IKZF1: variants seen among roughly 807,000 people sequenced by gnomAD.
The protein encoded by IKZF1 is IKAROS family zinc finger 1.
IKZF1 carries 10 observed loss-of-function variants against 51.7 expected under a neutral mutation model. The observed-to-expected ratio is 0.19, with a 90% confidence interval of 0.12 to 0.33. The LOEUF (loss-of-function observed/expected upper bound fraction) is 0.33, where lower values mean the gene tolerates loss of function less well. Ranked by LOEUF, IKZF1 falls within the 10% of genes least tolerant of loss-of-function variation. The probability of loss-of-function intolerance (pLI) is 1.00; values close to 1 mark genes in which losing one functional copy is unlikely to be tolerated. For missense variants in IKZF1, 484 were observed against 707.5 expected, an observed-to-expected ratio of 0.68 and a Z score of 3.58; for synonymous variants, 280 against 282.3, an observed-to-expected ratio of 0.99 and a Z score of 0.08.
intron 3 of IKZF1, chr7:50,329,083 A>G (rs930228928): frequency 6.6e-6 from 1 of 151,846 alleles, no homozygotes; most frequent in South Asian, 2.1e-4. Context: ...AAAAAAAAAA[A>G]AAAAAAAGAA....
In IKZF1 at chr7:50,400,674, G is replaced by A. The variant is rs940911904; in HGVS notation, c.*47G>A. On this transcript the variant is annotated 3_prime_UTR_variant, in exon 8 of 8. Transcript: ENST00000331340. This position sits in a 1 kb window ranked among gnomAD's most constrained non-coding sequence, Gnocchi z 5.4. ...CAGACCCCGAGCCACCCCAGGAAAA[G>A]CACAAGGACTGCCGCCTTCTCGCTC... 9 of 1,556,674 alleles carry A rather than the reference G, an allele frequency of 5.8e-6. No individual in the cohort carries two copies. The highest frequency in any genetic ancestry group is 7.8e-6 in the Non-Finnish European group (9 of 1,156,302).
At chr7:50,366,723 T>C (rs1807072372) in intron 3 of IKZF1, among the ~76,000 whole-genome samples, 1 of 152,224 alleles carries the variant, frequency 6.6e-6, no homozygotes, top group African/African-American at 2.4e-5. Flanking sequence ...CTTTAAAACA[T>C]CTTTGCTTTT....
At position 50,391,767 on chromosome 7, in the gene IKZF1, G is replaced by A. The variant is rs762538092; in HGVS notation, c.754G>A (p.Asp252Asn). ...AACTAATCACAGTGAAATGGCAGAA[G>A]ACCTGTGCAAGATAGGATCAGAGAG... Reference protein sequence around the residue: ...EETNHSEMAEDLCKIGSERSL... With the variant: ...EETNHSEMAENLCKIGSERSL... The change falls in exon 7 of 8, where the codon GAC becomes AAC. Residue 252 changes from aspartate (D) to asparagine (N), a missense_variant. By Grantham distance (23) the Asp-to-Asn change is conservative. This residue lies in a region of IKZF1 where 172 missense variants were observed against 192.7 expected (regional missense o/e 0.89). Transcript: ENST00000331340. The A allele has an allele frequency of 3.3e-5, 53 of 1,613,904 alleles. No homozygotes were observed. The Admixed American group carries it at 8.8e-4, about 27-fold the overall frequency.
At chr7:50,389,509 C>T (rs757252261) in intron 6 of IKZF1, among the ~76,000 whole-genome samples, 2 of 152,112 alleles carry the variant, frequency 1.3e-5, no homozygotes, top group African/African-American at 2.4e-5. Context: ...GGTATGAAAG[C>T]GTCTCTAGGA....
chr7:50,311,660 G>A (rs1790209014), intron 1 of IKZF1, among the ~76,000 whole-genome samples: 1 of 152,130 alleles, frequency 6.6e-6, no homozygotes, highest in African/African-American at 2.4e-5. Context: ...AGTTTTACAG[G>A]TGCATTGTTT....
chr7:50,379,295 G>A (rs1811175428), intron 4 of IKZF1, among the ~76,000 whole-genome samples: 1 of 152,196 alleles, frequency 6.6e-6, no homozygotes, highest in Non-Finnish European at 1.5e-5. Context: ...CTTGCACTGT[G>A]GCCATTGTTC....
chr7:50,400,396 G>T lies in IKZF1; in HGVS notation c.1329G>T (p.Glu443Asp), dbSNP rs1441841169. Residue 443 changes from glutamate (E) to aspartate (D), a missense_variant, in exon 8 of 8, where the codon GAG (glutamate) becomes GAT (aspartate). Physicochemically the swap from Glu to Asp is conservative, Grantham distance 45. Coordinates refer to ENST00000331340, the MANE Select transcript of IKZF1 (RefSeq NM_006060.6). This position sits in a 1 kb window ranked among gnomAD's most constrained non-coding sequence, Gnocchi z 5.4. ...RAYDLLRAAS[E>D]NSQDALRVVS... is the part of the protein sequence containing the mutation. ...ACGACCTGCTGCGCGCCGCCTCCGA[G>T]AACTCGCAGGACGCGCTCCGCGTGG... 1.2e-6 allele frequency: 2 copies of T among 1,613,412 alleles called. No individual in the cohort carries two copies. Among genetic ancestry groups the T allele is most frequent in the Non-Finnish European group, 1.7e-6 (2 of 1,179,792 alleles).
At chr7:50,334,786 GTA>G (rs1797250856) in intron 3 of IKZF1, among the ~76,000 whole-genome samples, 1 of 151,158 alleles carries the variant, frequency 6.6e-6, no homozygotes, top group African/African-American at 2.4e-5. Flanking sequence ...CATGTGATGT[GTA>G]TATGTGTGTG....
At chr7:50,335,867 T>C (rs1358896368) in intron 3 of IKZF1, among the ~76,000 whole-genome samples, 2 of 151,926 alleles carry the variant, frequency 1.3e-5, no homozygotes, top group East Asian at 3.9e-4. Flanking sequence ...CCTGGCTCTA[T>C]TGATTCCTAG....
chr7:50,399,813 C>A, intron 7 of IKZF1, 105 bp from the exon 8 acceptor site: 2 of 1,481,706 alleles, frequency 1.3e-6, no homozygotes, highest in Non-Finnish European at 1.8e-6. Flanking sequence ...GCCCCCAGGC[C>A]GTGTTCCCCT....
intron 2 of IKZF1, among the ~76,000 whole-genome samples, chr7:50,321,721 C>T (rs1793387694): frequency 6.6e-6 from 1 of 151,988 alleles, no homozygotes; most frequent in African/African-American, 2.4e-5. Context: ...TAAGGAATAG[C>T]CCCTCAGTAT....
intron 3 of IKZF1, chr7:50,369,498 C>G (rs1005676035): frequency 2.5e-6 from 1 of 398,450 alleles, no homozygotes; most frequent in Admixed American, 4.4e-5. Flanking sequence ...ATTGGTGTCT[C>G]TCTTTCTCTC....
At chr7:50,344,312 C>T (rs1322838346) in intron 3 of IKZF1, among the ~76,000 whole-genome samples, 1 of 152,214 alleles carries the variant, frequency 6.6e-6, no homozygotes, top group Non-Finnish European at 1.5e-5. Context: ...TGACTGTCCT[C>T]ACATGTAGAT....
At chr7:50,357,253 G>A (rs552388502) in intron 3 of IKZF1, among the ~76,000 whole-genome samples, 1 of 152,036 alleles carries the variant, frequency 6.6e-6, no homozygotes, top group East Asian at 1.9e-4. Context: ...CTGTTGCCTG[G>A]GGACTTCATC....
chr7:50,316,621 A>G (rs1388535751), intron 1 of IKZF1, among the ~76,000 whole-genome samples: 1 of 152,256 alleles, frequency 6.6e-6, no homozygotes, highest in Non-Finnish European at 1.5e-5. Flanking sequence ...AAAAGTAAGA[A>G]GGTTCCCACA....
At chr7:50,317,952 G>A (rs1792011677) in intron 1 of IKZF1, among the ~76,000 whole-genome samples, 1 of 152,120 alleles carries the variant, frequency 6.6e-6, no homozygotes, top group South Asian at 2.1e-4. Context: ...AAGGGGGACA[G>A]GGGGACAACC....
At chr7:50,349,732 G>C (rs944312643) in intron 3 of IKZF1, among the ~76,000 whole-genome samples, 1 of 152,250 alleles carries the variant, frequency 6.6e-6, no homozygotes, top group African/African-American at 2.4e-5. Context: ...CAAAATGATA[G>C]CTAGCTGGAA....
intron 7 of IKZF1, among the ~76,000 whole-genome samples, chr7:50,393,344 G>A (rs988716959): frequency 6.6e-6 from 1 of 152,148 alleles, no homozygotes; most frequent in African/African-American, 2.4e-5. Context: ...GACACATGGG[G>A]AAATTGTGGT....
intron 1 of IKZF1, among the ~76,000 whole-genome samples, chr7:50,311,129 A>T (rs1467158518): frequency 2.0e-5 from 3 of 152,180 alleles, no homozygotes; most frequent in Non-Finnish European, 4.4e-5. Flanking sequence ...CCTTGGGGAA[A>T]ATTTCCAATT....
Sources: gnomAD v4.1 joint callset for allele counts (sites outside exome capture counted in the v4.1 genomes callset) on GRCh38, gnomAD v4.1.1 for gene constraint, gnomAD v4.1.1 regional missense constraint, Gnocchi (gnomAD v3.1) non-coding constraint, MANE v1.5 for transcripts, NCBI Gene and HGNC (gene_info 2026-07-23, HGNC 2026-07-21) for gene names.